Variants in RCC1L observed in about 807,000 individuals in gnomAD.
The protein encoded by RCC1L is RCC1-like G exchanging factor-like protein.
RCC1L carries 46 observed loss-of-function variants against 58.6 expected under a neutral mutation model. That is an observed-to-expected ratio of 0.79 (90% CI 0.62 to 1.00). The LOEUF (loss-of-function observed/expected upper bound fraction) is 1.00. Among genes scored for constraint, RCC1L ranks in the 50% least tolerant of loss-of-function variants. The probability of loss-of-function intolerance (pLI) is 0.00; values close to 1 mark genes in which losing one functional copy is unlikely to be tolerated. For synonymous variants in RCC1L, 281 were observed against 262.9 expected, an observed-to-expected ratio of 1.07 and a Z score of -0.67; for missense variants, 636 against 623.6, an observed-to-expected ratio of 1.02 and a Z score of -0.21.
At chr7:75,048,418 C>T (rs1033341017) in intron 10 of RCC1L, among the ~76,000 whole-genome samples, 60 of 152,302 alleles carry the variant, frequency 3.9e-4, no homozygotes, top group Non-Finnish European at 6.9e-4. Context: ...GGGGAAGCAC[C>T]GTCTACAGGC....
At chr7:75,056,145 T>G (rs1377219447) in intron 8 of RCC1L, 71 bp from the exon 9 acceptor site, 1 of 1,553,446 alleles carries the variant, frequency 6.4e-7, no homozygotes, top group Non-Finnish European at 8.9e-7. Flanking sequence ...AAACTCAAAC[T>G]ACACCACCAA....
chr7:75,032,503 A>G (rs1805329434), intron 10 of RCC1L, among the ~76,000 whole-genome samples: 1 of 152,142 alleles, frequency 6.6e-6, no homozygotes, highest in South Asian at 2.1e-4. Flanking sequence ...GGCAGGTTCT[A>G]GACTGACACC....
In RCC1L at chr7:75,073,757, C is replaced by A. The variant is rs781786699; in HGVS notation, c.-20G>T. 12 of 1,495,640 alleles carry A rather than the reference C, an allele frequency of 8.0e-6. No homozygotes were observed. The highest frequency in any genetic ancestry group is 1.3e-5 in the South Asian group (1 of 78,992). The allele number at this position is 1,495,640 out of a possible 1,614,324, so 92.6% of individuals were successfully genotyped here. ...CGCCATCCTCCGTTCCGCGCCTCAG[C>A]AGCCTCTGGGCGCCGCCATCTTGCG... On this transcript the variant is annotated 5_prime_UTR_variant, in exon 1 of 11. Transcript: ENST00000610322.
At chr7:75,027,980 C>G in exon 11 of RCC1L, 1 of 1,518,502 alleles carries the variant, frequency 6.6e-7, no homozygotes, top group South Asian at 1.2e-5. Context: ...GGGGCTCCAT[C>G]CGCAGTTGCA....
At chr7:75,057,074 A>G (rs1319135998) in intron 8 of RCC1L, among the ~76,000 whole-genome samples, 5 of 152,130 alleles carry the variant, frequency 3.3e-5, no homozygotes, top group Non-Finnish European at 5.9e-5. Flanking sequence ...CCTGGGTCCA[A>G]GCAATCCTCC....
intron 10 of RCC1L, among the ~76,000 whole-genome samples, chr7:75,045,197 G>A (rs1233627585): frequency 6.6e-6 from 1 of 151,498 alleles, no homozygotes; most frequent in East Asian, 2.0e-4. Context: ...TGTTTGTAGA[G>A]ACAGAGGTCT....
chr7:75,063,376 G>C lies in RCC1L; in HGVS notation c.651-33C>G. The stretch of plus-strand genomic sequence containing the variant: ...CAGGAACAAATTGGGAAGAAGCAAG[G>C]GATGCGGTCATGACAAGCACTGTGC... On this transcript the variant is annotated intron_variant, in intron 4 of 10. Coordinates refer to ENST00000610322, the MANE Select transcript of RCC1L (RefSeq NM_030798.5). 3 of 1,612,642 alleles carry C rather than the reference G, an allele frequency of 1.9e-6. No individual in the cohort carries two copies. The Admixed American group carries it at 5.0e-5, about 27-fold the overall frequency.
intron 9 of RCC1L, among the ~76,000 whole-genome samples, chr7:75,055,071 A>G (rs1554443723): frequency 6.6e-6 from 1 of 152,270 alleles, no homozygotes; most frequent in South Asian, 2.1e-4. Flanking sequence ...GAACTCAACC[A>G]AAGATGACAC....
chr7:75,056,122 C>A, intron 8 of RCC1L, 48 bp from the exon 9 acceptor site: 1 of 1,607,624 alleles, frequency 6.2e-7, no homozygotes, highest in Non-Finnish European at 8.5e-7. Flanking sequence ...CAAGTAAGAA[C>A]CTCCCTCACC....
chr7:75,029,406 C>A (rs900949991), intron 10 of RCC1L, among the ~76,000 whole-genome samples: 2 of 144,496 alleles, frequency 1.4e-5, no homozygotes, highest in African/African-American at 5.2e-5. Context: ...TGCAGTGGTG[C>A]GATCTCGGTT....
At position 75,073,444 on chromosome 7, in the gene RCC1L, G is replaced by C. The variant is rs1806842692; in HGVS notation, c.294C>G (p.Pro98=). ...GGTCCAGCTCCAGGCGATAGGGCAC[G>C]GGCTGGATCCTGCGGCGCGGTCGGG... The part of the protein sequence containing the change: ...AGARPRRRIQ[P]VPYRLELDQK... Residue 98 remains proline, a synonymous_variant, in exon 1 of 11, where the codon CCC becomes CCG. Coordinates refer to ENST00000610322, the MANE Select transcript of RCC1L (RefSeq NM_030798.5). 3.7e-6 allele frequency: 5 copies of C among 1,355,058 alleles called. No individual in the cohort carries two copies. The highest frequency in any genetic ancestry group is 1.7e-5 in the South Asian group (1 of 58,172). The allele number at this position is 1,355,058 out of a possible 1,614,324, so 83.9% of individuals were successfully genotyped here. A position where few individuals can be genotyped will look rare whatever the true frequency, so the allele number is the denominator to read the frequency against.
At chr7:75,037,646 A>G (rs1369442297), downstream of RCC1L, among the ~76,000 whole-genome samples, 1 of 151,992 alleles carries the variant, frequency 6.6e-6, no homozygotes, top group Non-Finnish European at 1.5e-5. Flanking sequence ...CTGGGACTAC[A>G]GGCACGTGCC....
Position 75,055,944 on chromosome 7 carries a change from A to G in RCC1L, c.1188T>C (p.Val396=), listed in dbSNP as rs782280529. 3 of 1,613,996 alleles carry G rather than the reference A, an allele frequency of 1.9e-6. No individual in the cohort carries two copies. The highest frequency in any genetic ancestry group is 1.7e-5 in the Admixed American group (1 of 60,014). The change falls in exon 9 of 11, where the codon GTT becomes GTC. Residue 396 remains valine, a synonymous_variant. Transcript: ENST00000610322. ...GLTEFNPEIQ[V]SRIRCGLSHF... ...GGCTGAGTCCACATCGGATGCGGGA[A>G]ACCTGGATTTCTGGGTTGAACTCCG...
intron 10 of RCC1L, among the ~76,000 whole-genome samples, chr7:75,047,345 C>T (rs1805755820): frequency 6.6e-6 from 1 of 152,182 alleles, no homozygotes; most frequent in Non-Finnish European, 1.5e-5. Context: ...TAGCTCACTG[C>T]AGCTTCCAAC....
At chr7:75,046,625 C>A (rs975078855) in intron 10 of RCC1L, among the ~76,000 whole-genome samples, 1 of 152,214 alleles carries the variant, frequency 6.6e-6, no homozygotes, top group Non-Finnish European at 1.5e-5. Flanking sequence ...GAGGAGACTG[C>A]CCTCAGCCAT....
chr7:75,062,016 CA>C (rs1221005158), intron 5 of RCC1L, among the ~76,000 whole-genome samples: 2 of 151,124 alleles, frequency 1.3e-5, no homozygotes, highest in East Asian at 3.9e-4. Context: ...GGTGAAACCC[CA>C]TCTCTACTAA....
intron 10 of RCC1L, among the ~76,000 whole-genome samples, chr7:75,050,672 A>G (rs1805877242): frequency 6.6e-6 from 1 of 152,212 alleles, no homozygotes; most frequent in Admixed American, 6.6e-5. Flanking sequence ...ACTGATGCTC[A>G]CATTATCTGA....
At chr7:75,068,408 G>A (rs1240411031) in intron 2 of RCC1L, among the ~76,000 whole-genome samples, 1 of 151,310 alleles carries the variant, frequency 6.6e-6, no homozygotes, top group Non-Finnish European at 1.5e-5. Flanking sequence ...TATATAGGTC[G>A]GGCATGGTGG....
chr7:75,038,618 A>T (rs1038967643), downstream of RCC1L, among the ~76,000 whole-genome samples: 6 of 151,140 alleles, frequency 4.0e-5, no homozygotes, highest in South Asian at 2.1e-4. Flanking sequence ...CAGACCAGGC[A>T]GGGGTGGAGG....
Sources: allele counts gnomAD v4.1 joint callset (sites outside exome capture counted in the v4.1 genomes callset), GRCh38; gene constraint gnomAD v4.1.1; transcripts MANE v1.5; gene names NCBI Gene and HGNC (gene_info 2026-07-23, HGNC 2026-07-21).